FHIT: variants seen among roughly 807,000 people sequenced by gnomAD.
The protein encoded by FHIT is fragile histidine triad diadenosine triphosphatase, also known as bis(5'-adenosyl)-triphosphatase.
In FHIT, 19 loss-of-function variants were observed where a neutral mutation model predicts 17.9. That is an observed-to-expected ratio of 1.06 (90% confidence interval 0.74 to 1.56). FHIT has a LOEUF of 1.56. Among genes scored for constraint, FHIT ranks in the 40% most tolerant of loss-of-function variants. FHIT has a pLI of 0.00. For missense variants in FHIT, 248 were observed against 189.2 expected (o/e 1.31, Z -1.82); for synonymous variants, 81 against 69.7 (o/e 1.16, Z -0.81).
intron 5 of FHIT, among the ~76,000 whole-genome samples, chr3:60,317,501 G>C (rs992675490): frequency 1.3e-5 from 2 of 150,660 alleles, no homozygotes; most frequent in Non-Finnish European, 3.0e-5. Context: ...CTAACATGCA[G>C]TTTGTGTTGG....
intron 4 of FHIT, among the ~76,000 whole-genome samples, chr3:60,774,713 G>A (rs1250068696): frequency 1.3e-5 from 2 of 152,058 alleles, no homozygotes; most frequent in Non-Finnish European, 2.9e-5. Flanking sequence ...GTAAAATAAG[G>A]GTTCCTTGAA....
chr3:60,279,907 T>C (rs213362), intron 5 of FHIT, among the ~76,000 whole-genome samples: 141,856 of 151,872 alleles, frequency 0.93, 66,363 homozygotes, highest in East Asian at 1. Context: ...TGGCAGGCAC[T>C]TCTAGTCTCA....
intron 2 of FHIT, among the ~76,000 whole-genome samples, chr3:61,081,740 CCATCTTAACTCCAGTATGACCT>C (rs1283835637): frequency 6.6e-6 from 1 of 152,160 alleles, no homozygotes; most frequent in Admixed American, 6.5e-5. Flanking sequence ...CATTAAGGTT[CCATCTTAACTCCAGTATGACCT>C]CATCTTAACT....
intron 4 of FHIT, among the ~76,000 whole-genome samples, chr3:60,611,586 C>T (rs555765931): frequency 6.6e-6 from 1 of 152,138 alleles, no homozygotes; most frequent in Admixed American, 6.5e-5. Context: ...AGCATGAGAG[C>T]AATACGTGTT....
In FHIT at chr3:60,157,374, G is replaced by C. The variant is rs186672552; in HGVS notation, c.104-143222C>G. Among the ~76,000 whole-genome samples the C allele has an allele frequency of 2.0e-3, 312 of 152,292 alleles. 3 individuals are homozygous for C. The highest frequency in any genetic ancestry group is 3.4e-3 in the Middle Eastern group (1 of 294). On this transcript the variant is annotated intron_variant, in intron 5 of 9. Transcript: ENST00000492590. ...TTCTACCAGTAGGTGCTTCACCTTT[G>C]TGAAGTCACAATTCTCTGGCTGGCT...
intron 8 of FHIT, among the ~76,000 whole-genome samples, chr3:59,795,868 G>T (rs1699757945): frequency 6.6e-6 from 1 of 152,192 alleles, no homozygotes; most frequent in Non-Finnish European, 1.5e-5. Context: ...GTTCAGACAG[G>T]CTTATGTACC....
At chr3:59,948,664 C>T (rs995211548) in intron 7 of FHIT, among the ~76,000 whole-genome samples, 3 of 152,076 alleles carry the variant, frequency 2.0e-5, no homozygotes, top group African/African-American at 7.2e-5. Context: ...TAAAAATTGT[C>T]CTAATGTATG....
chr3:60,460,052 T>C (rs541403573), intron 5 of FHIT, among the ~76,000 whole-genome samples: 13 of 152,162 alleles, frequency 8.5e-5, no homozygotes, highest in Non-Finnish European at 1.5e-4. Context: ...ACACTACTTC[T>C]TATAGTCCTC....
chr3:60,207,046 T>A (rs556373263), intron 5 of FHIT, among the ~76,000 whole-genome samples: 1 of 152,014 alleles, frequency 6.6e-6, no homozygotes, highest in Non-Finnish European at 1.5e-5. Context: ...TTTAGAGATA[T>A]GGGATAAAGG....
chr3:61,099,683 T>C (rs2035757380), intron 2 of FHIT, among the ~76,000 whole-genome samples: 1 of 152,184 alleles, frequency 6.6e-6, no homozygotes, highest in Admixed American at 6.6e-5. Flanking sequence ...TTCTTCTAGA[T>C]TTTCTAGCTT....
At chr3:60,112,008 C>A (rs561667371) in intron 5 of FHIT, among the ~76,000 whole-genome samples, 8 of 152,250 alleles carry the variant, frequency 5.3e-5, no homozygotes, top group Non-Finnish European at 8.8e-5. Flanking sequence ...CTAAAACGGG[C>A]ATAAACCATA....
chr3:60,518,449 T>A (rs1334258209), intron 5 of FHIT, among the ~76,000 whole-genome samples: 1 of 152,210 alleles, frequency 6.6e-6, no homozygotes, highest in East Asian at 1.9e-4. Context: ...TGGAAAAGGT[T>A]AGGCCAAAAC....
At chr3:60,363,821 G>C (rs368272926) in intron 5 of FHIT, among the ~76,000 whole-genome samples, 3 of 152,158 alleles carry the variant, frequency 2.0e-5, no homozygotes, top group Non-Finnish European at 2.9e-5. Context: ...GAGAAGGAGG[G>C]AAGAACAGTT....
chr3:60,695,070 A>T (rs573981165), intron 4 of FHIT, among the ~76,000 whole-genome samples: 3 of 152,272 alleles, frequency 2.0e-5, no homozygotes, highest in South Asian at 2.1e-4. Flanking sequence ...ATAATAATAA[A>T]AAAAAGAAAA....
At chr3:60,167,333 AC>A (rs1701218916) in intron 5 of FHIT, among the ~76,000 whole-genome samples, 1 of 152,192 alleles carries the variant, frequency 6.6e-6, no homozygotes, top group Non-Finnish European at 1.5e-5. Flanking sequence ...ACTACTTGAA[AC>A]ACACCTCTTA....
chr3:60,850,762 A>G (rs1212297351), intron 3 of FHIT, among the ~76,000 whole-genome samples: 1 of 152,148 alleles, frequency 6.6e-6, no homozygotes, highest in Non-Finnish European at 1.5e-5. Flanking sequence ...GAAGGCTTTC[A>G]CACTTTCAGA....
At chr3:60,013,892 T>C (rs554977736) in intron 6 of FHIT, 115 bp downstream of exon 6, 2 of 1,095,532 alleles carry the variant, frequency 1.8e-6, no homozygotes, top group Non-Finnish European at 2.7e-6. Context: ...TTTTGGCTGC[T>C]ACCTAAAATA....
chr3:59,868,883 C>T (rs897986170), intron 8 of FHIT, among the ~76,000 whole-genome samples: 2 of 152,122 alleles, frequency 1.3e-5, no homozygotes, highest in African/African-American at 2.4e-5. Flanking sequence ...TATATAAAAT[C>T]CCAGGGAAAG....
chr3:60,587,466 A>G (rs1388247415), intron 4 of FHIT, among the ~76,000 whole-genome samples: 2 of 152,054 alleles, frequency 1.3e-5, no homozygotes, highest in Admixed American at 6.6e-5. Flanking sequence ...CACATATGTA[A>G]CATGTAACAA....
Sources: allele counts gnomAD v4.1 joint callset (sites outside exome capture counted in the v4.1 genomes callset), GRCh38; gene constraint gnomAD v4.1.1; transcripts MANE v1.5; gene names NCBI Gene and HGNC (gene_info 2026-07-23, HGNC 2026-07-21).